Variants in CTBP2 observed in about 807,000 individuals in gnomAD.
The protein encoded by CTBP2 is C-terminal-binding protein 2.
CTBP2 carries 30 observed loss-of-function variants against 80.3 expected under a neutral mutation model. The ratio of observed to expected loss-of-function variants is 0.37; its 90% CI spans 0.28 to 0.51. The LOEUF is 0.51. Among genes scored for constraint, CTBP2 ranks in the 20% least tolerant of loss-of-function variants. The pLI, the probability that CTBP2 is intolerant of heterozygous loss-of-function variation, is 0.93. For missense variants in CTBP2, 1,212 were observed against 1,375.3 expected (o/e 0.88, Z 1.88); for synonymous variants, 594 against 587.4 (o/e 1.01, Z -0.16).
At chr10:125,019,164 G>GT (rs201077905) in intron 1 of CTBP2, among the ~76,000 whole-genome samples, 13,429 of 152,208 alleles carry the variant, frequency 0.088, 737 homozygotes, top group Admixed American at 0.17. Flanking sequence ...ACGAAGGCTA[G>GT]TTTTTTTATC....
At chr10:125,029,450 CTACTTCACCATGTTGG>C (rs1957967844), upstream of CTBP2, among the ~76,000 whole-genome samples, 1 of 152,032 alleles carries the variant, frequency 6.6e-6, no homozygotes, top group South Asian at 2.1e-4. Context: ...TCTACTCTAT[CTACTTCACCATGTTGG>C]CCAGACTGGT....
upstream of CTBP2, among the ~76,000 whole-genome samples, chr10:125,028,602 A>T (rs1420765941): frequency 6.6e-6 from 1 of 152,290 alleles, no homozygotes. Flanking sequence ...TTACCTTATT[A>T]CTGTGAAACA....
At chr10:125,041,464 G>A (rs1959723364) in intron 2 of CTBP2, among the ~76,000 whole-genome samples, 1 of 151,526 alleles carries the variant, frequency 6.6e-6, no homozygotes, top group East Asian at 2.0e-4. Context: ...GAGTGGGGGC[G>A]GGGGGCCAAA....
intron 1 of CTBP2, among the ~76,000 whole-genome samples, chr10:125,149,587 C>T (rs962618714): frequency 1.9e-4 from 29 of 152,328 alleles, no homozygotes; most frequent in African/African-American, 6.7e-4. Flanking sequence ...CCACCCCCGG[C>T]CCCACCAGAG....
intron 2 of CTBP2, among the ~76,000 whole-genome samples, chr10:125,054,572 T>C (rs1401770931): frequency 3.3e-5 from 5 of 152,214 alleles, no homozygotes; most frequent in South Asian, 2.1e-4. Flanking sequence ...TCCTGTCCCA[T>C]AGACAGTGCA....
chr10:125,149,942 C>G (rs981330031), intron 1 of CTBP2, among the ~76,000 whole-genome samples: 2 of 152,250 alleles, frequency 1.3e-5, no homozygotes, highest in African/African-American at 4.8e-5. Flanking sequence ...AAATTCCTTT[C>G]TAAGGCCCAC....
In CTBP2 at chr10:124,993,595, G is replaced by C. The variant is rs144320452; in HGVS notation, c.2531+260C>G. Among the ~76,000 whole-genome samples the C allele has an allele frequency of 3.8e-3, 579 of 152,282 alleles. 4 individuals are homozygous for C. Among genetic ancestry groups the C allele is most frequent in the African/African-American group, 0.013 (555 of 41,554 alleles). ...GTAATCCAGGGCAGAGATGATGCCTGTCTGTCTGAAGACCAGAACCACTGC... is the reference window on the plus strand; with the variant it reads ...GTAATCCAGGGCAGAGATGATGCCTCTCTGTCTGAAGACCAGAACCACTGC... On this transcript the variant is annotated intron_variant, in intron 6 of 8. Transcript: ENST00000309035.
intron 1 of CTBP2, among the ~76,000 whole-genome samples, chr10:125,021,595 G>A (rs1158182015): frequency 6.6e-6 from 1 of 152,298 alleles, no homozygotes; most frequent in East Asian, 1.9e-4. Context: ...CAACGGGCAG[G>A]AGGGATGATC....
Position 124,989,579 on chromosome 10 carries a change from G to A in CTBP2, c.2897C>T (p.Ala966Val), listed in dbSNP as rs146419230. 46 of 1,613,378 alleles carry A rather than the reference G, an allele frequency of 2.9e-5. No individual in the cohort carries two copies. The highest frequency in any genetic ancestry group is 3.9e-5 in the Non-Finnish European group (46 of 1,179,830). Reference sequence around the variant, plus strand: ...TTTTGTGGGCTGGTTGGGAGAGGGCGCTTGGGAAGGATGTGCCACTGTCGG... The same window carrying A: ...TTTTGTGGGCTGGTTGGGAGAGGGCACTTGGGAAGGATGTGCCACTGTCGG... The change falls in exon 9 of 9, where the codon GCG (alanine) becomes GTG (valine). Residue 966 changes from alanine to valine, a missense_variant. Physicochemically the swap from Ala to Val is moderately conservative, Grantham distance 64. This residue lies in a region of CTBP2 where 335 missense variants were observed against 504.7 expected (regional missense o/e 0.66). Transcript: ENST00000309035.
chr10:125,069,670 C>G (rs1219064982), intron 2 of CTBP2, among the ~76,000 whole-genome samples: 4 of 152,148 alleles, frequency 2.6e-5, no homozygotes, highest in African/African-American at 9.7e-5. Flanking sequence ...TTAAGACAAG[C>G]TTGTTTTCCA....
At chr10:125,154,816 G>A (rs1860633738) in intron 1 of CTBP2, among the ~76,000 whole-genome samples, 1 of 152,254 alleles carries the variant, frequency 6.6e-6, no homozygotes, top group Non-Finnish European at 1.5e-5. Flanking sequence ...CGTGGAAGGA[G>A]AAGGGCTTTG....
chr10:125,129,792 A>G (rs1199610687), intron 1 of CTBP2, among the ~76,000 whole-genome samples: 2 of 152,240 alleles, frequency 1.3e-5, no homozygotes, highest in Non-Finnish European at 1.5e-5. Context: ...CACAGGGAGA[A>G]TAACTACTCC....
At chr10:125,157,779 G>C (rs115116488) in intron 1 of CTBP2, among the ~76,000 whole-genome samples, 1 of 152,276 alleles carries the variant, frequency 6.6e-6, no homozygotes, top group East Asian at 1.9e-4. Flanking sequence ...GTGCATTCAC[G>C]GCTAACATCC....
intron 5 of CTBP2, 38 bp downstream of exon 7, chr10:124,994,431 T>G: frequency 6.2e-7 from 1 of 1,603,178 alleles, no homozygotes; most frequent in Non-Finnish European, 8.5e-7. Context: ...GCTACCACCT[T>G]TCGACAGAAG....
At chr10:125,069,028 G>A (rs975645906) in intron 2 of CTBP2, among the ~76,000 whole-genome samples, 23 of 152,128 alleles carry the variant, frequency 1.5e-4, no homozygotes, top group African/African-American at 5.6e-4. Flanking sequence ...AGGGAACGAT[G>A]CACTCACAGG....
At chr10:125,049,582 A>G (rs1373794611) in intron 2 of CTBP2, among the ~76,000 whole-genome samples, 2 of 152,116 alleles carry the variant, frequency 1.3e-5, no homozygotes, top group Non-Finnish European at 2.9e-5. Flanking sequence ...AACCCACTTC[A>G]GTGTGGAACC....
At chr10:125,141,662 A>ATACACAGCAGG (rs899805001) in intron 1 of CTBP2, among the ~76,000 whole-genome samples, 9 of 152,068 alleles carry the variant, frequency 5.9e-5, no homozygotes, top group African/African-American at 2.2e-4. Context: ...TACATGGCAA[A>ATACACAGCAGG]TACACAGCAG....
Position 124,986,148 on chromosome 10 carries a change from C to G in CTBP2, c.*3370G>C, listed in dbSNP as rs1373581768. ...CTTTTTTATAAGAAGTATTATTTGA[C>G]CACTTCAGGTATACATTCAATACTG... is the stretch of plus-strand genomic sequence containing the variant. On this transcript the variant is annotated 3_prime_UTR_variant, in exon 9 of 9. Coordinates refer to ENST00000309035, the MANE Select transcript of CTBP2 (RefSeq NM_022802.3). 1 of 152,498 alleles carries G rather than the reference C, an allele frequency of 6.6e-6. No homozygotes were observed. The highest frequency in any genetic ancestry group is 1.5e-5 in the Non-Finnish European group (1 of 68,028). 9.4% of individuals were successfully genotyped at this position (152,498 alleles called of 1,614,324 possible).
chr10:125,129,621 G>C (rs563412220), intron 1 of CTBP2, among the ~76,000 whole-genome samples: 10 of 152,248 alleles, frequency 6.6e-5, no homozygotes, highest in Non-Finnish European at 1.3e-4. Context: ...AGACCCACCT[G>C]TCCGGTTTTC....
Sources: gnomAD v4.1 joint callset for allele counts (sites outside exome capture counted in the v4.1 genomes callset) on GRCh38, gnomAD v4.1.1 for gene constraint, gnomAD v4.1.1 regional missense constraint, MANE v1.5 for transcripts, NCBI Gene and HGNC (gene_info 2026-07-23, HGNC 2026-07-21) for gene names.